The following TNR variants were observed in gnomAD, a reference collection of about 807,000 sequenced individuals.
The protein encoded by TNR is tenascin-R.
Under a neutral mutation model 150.4 loss-of-function variants are expected in TNR, and 45 were observed. That is an observed-to-expected ratio of 0.30 (90% CI 0.24 to 0.38). TNR has a LOEUF of 0.38. TNR is among the 10% of genes least tolerant of loss of function. TNR has a pLI of 1.00. For missense variants in TNR, 1,544 were observed against 1,759.1 expected, an observed-to-expected ratio of 0.88 and a Z score of 2.19; for synonymous variants, 687 against 678.4, an observed-to-expected ratio of 1.01 and a Z score of -0.20.
Position 175,390,807 on chromosome 1 carries a change from G to C in TNR, c.1507+481C>G, listed in dbSNP as rs567728290. Among the ~76,000 whole-genome samples the C allele has an allele frequency of 2.6e-5, 4 of 152,348 alleles. No individual in the cohort carries two copies. In the South Asian group the frequency reaches 6.2e-4, roughly 24 times the overall value. On this transcript the variant is annotated intron_variant, in intron 7 of 22. Transcript: ENST00000367674. ...ATCAGCACAGAGCTGATTGCTTTGT[G>C]TGCTTTATCTAATCCCATCCTCATA...
At chr1:175,605,146 A>G (rs1003160747) in intron 1 of TNR, among the ~76,000 whole-genome samples, 1 of 152,254 alleles carries the variant, frequency 6.6e-6, no homozygotes, top group Non-Finnish European at 1.5e-5. Context: ...ATAAAGATTT[A>G]TCAATAGATG....
At chr1:175,490,642 G>C (rs1658207870) in intron 2 of TNR, among the ~76,000 whole-genome samples, 1 of 152,138 alleles carries the variant, frequency 6.6e-6, no homozygotes, top group East Asian at 1.9e-4. Flanking sequence ...CTGATCATTA[G>C]AGAAATGTAA....
chr1:175,447,397 G>A (rs545510097), intron 2 of TNR, among the ~76,000 whole-genome samples: 2 of 152,286 alleles, frequency 1.3e-5, no homozygotes, highest in East Asian at 3.9e-4. Flanking sequence ...GTGGGCAGCG[G>A]GAAGGAGGGA....
At chr1:175,733,576 G>T (rs905251918) in intron 1 of TNR, among the ~76,000 whole-genome samples, 11 of 152,178 alleles carry the variant, frequency 7.2e-5, no homozygotes, top group African/African-American at 2.4e-4. Context: ...AGGGGTAGGG[G>T]TAGAGGGGAG....
At chr1:175,340,225 G>A (rs1368499949) in intron 18 of TNR, among the ~76,000 whole-genome samples, 40 of 152,122 alleles carry the variant, frequency 2.6e-4, no homozygotes, top group Admixed American at 2.6e-3. Flanking sequence ...GTGGGGTGGC[G>A]GGGGGCGGGT....
At position 175,441,758 on chromosome 1, in the gene TNR, C is replaced by T. The variant is rs75559319; in HGVS notation, c.-63-34981G>A. Among the ~76,000 whole-genome samples the T allele has an allele frequency of 4.1e-4, 63 of 152,182 alleles. No individual in the cohort carries two copies. The East Asian group carries it at 5.2e-3, about 13-fold the overall frequency. On this transcript the variant is annotated intron_variant, in intron 2 of 22. Coordinates refer to ENST00000367674, the MANE Select transcript of TNR (RefSeq NM_003285.3). ...AGGACCATGTCCTGTTCTGCCTTCC[C>T]AGCTGATGATTTCTGACCAGCTATT... is the stretch of plus-strand genomic sequence containing the variant.
intron 1 of TNR, among the ~76,000 whole-genome samples, chr1:175,726,724 T>G (rs1260831196): frequency 6.6e-6 from 1 of 152,174 alleles, no homozygotes; most frequent in African/African-American, 2.4e-5. Context: ...AAAGAAAAAT[T>G]GAAAGACAAA....
intron 20 of TNR, 68 bp from the exon 21 acceptor site, chr1:175,330,303 C>T (rs755481243): frequency 7.5e-5 from 108 of 1,437,730 alleles, no homozygotes; most frequent in Middle Eastern, 5.6e-4. Flanking sequence ...GAGGGAAATG[C>T]GTCTGTGGCT....
intron 1 of TNR, among the ~76,000 whole-genome samples, chr1:175,570,391 A>C (rs982826659): frequency 3.3e-5 from 5 of 152,190 alleles, no homozygotes; most frequent in Admixed American, 3.3e-4. Context: ...ATGAGGCTAA[A>C]AAAGGCAGCT....
chr1:175,411,653 A>G (rs859466), intron 2 of TNR, among the ~76,000 whole-genome samples: 104,330 of 150,960 alleles, frequency 0.69, 36,391 homozygotes, highest in East Asian at 0.83. Context: ...TGTGCACTGT[A>G]TTCTCCTTGT....
At chr1:175,478,566 C>A (rs1376816393) in intron 2 of TNR, among the ~76,000 whole-genome samples, 1 of 151,930 alleles carries the variant, frequency 6.6e-6, no homozygotes, top group Non-Finnish European at 1.5e-5. Context: ...TGAATGAATT[C>A]TATCCAGCCC....
intron 1 of TNR, among the ~76,000 whole-genome samples, chr1:175,553,320 C>T (rs1383137684): frequency 1.3e-5 from 2 of 152,168 alleles, no homozygotes; most frequent in Non-Finnish European, 2.9e-5. Context: ...CCTCAGACTC[C>T]TTGGAGATTT....
intron 2 of TNR, among the ~76,000 whole-genome samples, chr1:175,498,413 G>A (rs1658580035): frequency 6.6e-6 from 1 of 152,202 alleles, no homozygotes; most frequent in African/African-American, 2.4e-5. Context: ...TGAGGACCAG[G>A]GAATGGTGGA....
intron 2 of TNR, among the ~76,000 whole-genome samples, chr1:175,449,394 T>C (rs1299498395): frequency 6.6e-6 from 1 of 152,200 alleles, no homozygotes; most frequent in Non-Finnish European, 1.5e-5. Flanking sequence ...AAGGGTGGGC[T>C]AGTCCCACAG....
intron 2 of TNR, among the ~76,000 whole-genome samples, chr1:175,484,325 C>T (rs1210819769): frequency 6.6e-6 from 1 of 152,202 alleles, no homozygotes; most frequent in East Asian, 1.9e-4. Context: ...TGTCTACACT[C>T]CCACTCTTCC....
chr1:175,431,770 C>T (rs891889917), intron 2 of TNR, among the ~76,000 whole-genome samples: 2 of 151,946 alleles, frequency 1.3e-5, no homozygotes, highest in Non-Finnish European at 2.9e-5. Context: ...AGCCAGAAAG[C>T]TGATGAAAAC....
At chr1:175,331,054 T>TTTCTTTCTTTCCTTCCTTCC (rs1557867679) in intron 20 of TNR, among the ~76,000 whole-genome samples, 2 of 105,728 alleles carry the variant, frequency 1.9e-5, no homozygotes, top group African/African-American at 7.7e-5. Context: ...TCTTTCTTTC[T>TTTCTTTCTTTCCTTCCTTCC]TTCTTTCTTT....
At chr1:175,506,645 G>A (rs1040246141) in intron 2 of TNR, among the ~76,000 whole-genome samples, 3 of 152,334 alleles carry the variant, frequency 2.0e-5, no homozygotes, top group African/African-American at 7.2e-5. Context: ...CAGAGGAAAC[G>A]CATCCTGCCA....
intron 21 of TNR, among the ~76,000 whole-genome samples, chr1:175,328,153 T>C (rs1649519898): frequency 6.6e-6 from 1 of 152,150 alleles, no homozygotes. Flanking sequence ...TGAGTACCAT[T>C]GATTGTGTGA....
Sources: gnomAD v4.1 joint callset for allele counts (sites outside exome capture counted in the v4.1 genomes callset) on GRCh38, gnomAD v4.1.1 for gene constraint, MANE v1.5 for transcripts, NCBI Gene and HGNC (gene_info 2026-07-23, HGNC 2026-07-21) for gene names.